The following PLPPR1 variants were observed in gnomAD, a reference collection of about 807,000 sequenced individuals.
The protein encoded by PLPPR1 is phospholipid phosphatase-related protein type 1.
In PLPPR1, 10 loss-of-function variants were observed where a neutral mutation model predicts 33.1. The ratio of observed to expected loss-of-function variants is 0.30; its 90% CI spans 0.19 to 0.51. PLPPR1 has a LOEUF of 0.51. Among genes scored for constraint, PLPPR1 ranks in the 20% least tolerant of loss-of-function variants. PLPPR1 has a pLI of 0.97. For synonymous variants in PLPPR1, 151 were observed against 151.0 expected (o/e 1.00, Z 0.00); for missense variants, 304 against 408.1 (o/e 0.74, Z 2.20).
At chr9:101,067,712 T>G (rs2118480798) in intron 1 of PLPPR1, among the ~76,000 whole-genome samples, 1 of 152,206 alleles carries the variant, frequency 6.6e-6, no homozygotes, top group South Asian at 2.1e-4. Flanking sequence ...GATTCCTTTC[T>G]TTCCTCTAGG....
intron 2 of PLPPR1, among the ~76,000 whole-genome samples, chr9:101,269,609 C>G (rs1287694436): frequency 6.6e-6 from 1 of 152,196 alleles, no homozygotes; most frequent in African/African-American, 2.4e-5. Context: ...GAAAGGGTGG[C>G]AGCAGGGGCT....
chr9:101,232,096 A>C (rs1370883059), intron 2 of PLPPR1, among the ~76,000 whole-genome samples: 1 of 152,116 alleles, frequency 6.6e-6, no homozygotes, highest in African/African-American at 2.4e-5. Context: ...GTGCAGCCAC[A>C]AGTGAATGAA....
intron 2 of PLPPR1, among the ~76,000 whole-genome samples, chr9:101,228,542 CAAG>C (rs1277134218): frequency 6.6e-6 from 1 of 151,418 alleles, no homozygotes; most frequent in African/African-American, 2.4e-5. Flanking sequence ...ATAAAACAGA[CAAG>C]AAGGAATTAA....
intron 5 of PLPPR1, among the ~76,000 whole-genome samples, chr9:101,310,592 T>TA (rs1412630662): frequency 1.3e-5 from 2 of 152,180 alleles, no homozygotes; most frequent in Non-Finnish European, 1.5e-5. Context: ...CCTTCACCCC[T>TA]AGGGTGGAAA....
intron 1 of PLPPR1, among the ~76,000 whole-genome samples, chr9:101,167,224 C>A (rs28417488): frequency 1.3e-4 from 14 of 107,722 alleles, no homozygotes; most frequent in Admixed American, 1.8e-4. Flanking sequence ...TACACACACA[C>A]ACACACACAC....
chr9:101,314,750 TAA>T (rs34696830), intron 6 of PLPPR1, among the ~76,000 whole-genome samples: 149 of 146,196 alleles, frequency 1.0e-3, no homozygotes, highest in Middle Eastern at 6.8e-3. Flanking sequence ...AGCTTCAATT[TAA>T]AAAAAAAAAA....
intron 4 of PLPPR1, among the ~76,000 whole-genome samples, chr9:101,290,181 A>G (rs986334761): frequency 2.6e-5 from 4 of 152,228 alleles, no homozygotes; most frequent in African/African-American, 9.6e-5. Context: ...ATAAGGGAGT[A>G]ATCAAAATAT....
At chr9:101,153,578 A>C (rs965236409) in intron 1 of PLPPR1, among the ~76,000 whole-genome samples, 36 of 151,832 alleles carry the variant, frequency 2.4e-4, no homozygotes, top group Non-Finnish European at 4.9e-4. Context: ...TCAATACCTA[A>C]TTTATTTATT....
At chr9:101,323,888 T>A in intron 7 of PLPPR1, 137 bp from the exon 8 acceptor site, 1 of 553,142 alleles carries the variant, frequency 1.8e-6, no homozygotes, top group East Asian at 3.1e-5. Flanking sequence ...TCAGGGGCCT[T>A]GGAAAAGCAT....
At chr9:101,177,432 A>G (rs59437139) in intron 1 of PLPPR1, among the ~76,000 whole-genome samples, 8,874 of 152,280 alleles carry the variant, frequency 0.058, 892 homozygotes, top group African/African-American at 0.2. Flanking sequence ...TATAGAAACA[A>G]AACTGATGTA....
chr9:101,291,990 T>A (rs1828518613), intron 4 of PLPPR1, among the ~76,000 whole-genome samples: 1 of 152,034 alleles, frequency 6.6e-6, no homozygotes, highest in African/African-American at 2.4e-5. Flanking sequence ...ATCAAACTAC[T>A]CTGAGCTACA....
At chr9:101,082,459 G>A (rs1049578842) in intron 1 of PLPPR1, among the ~76,000 whole-genome samples, 2 of 152,082 alleles carry the variant, frequency 1.3e-5, no homozygotes, top group Non-Finnish European at 2.9e-5. Context: ...AAAGTGGTTT[G>A]CCCCTGTGAA....
chr9:101,064,580 G>A (rs1334185369), intron 1 of PLPPR1, among the ~76,000 whole-genome samples: 2 of 152,046 alleles, frequency 1.3e-5, no homozygotes, highest in African/African-American at 4.8e-5. Flanking sequence ...TTTGCTGTAT[G>A]CCATTGGTTG....
At chr9:101,043,630 A>G (rs1272923004) in intron 1 of PLPPR1, among the ~76,000 whole-genome samples, 2 of 151,840 alleles carry the variant, frequency 1.3e-5, no homozygotes, top group Non-Finnish European at 2.9e-5. Flanking sequence ...TTTTTTGTAT[A>G]ATGACTTATT....
intron 3 of PLPPR1, 118 bp from the exon 4 acceptor site, chr9:101,285,986 T>C (rs1828386295): frequency 1.4e-6 from 1 of 734,372 alleles, no homozygotes. Context: ...ACCATCTCTC[T>C]CCAACATCTT....
At chr9:101,078,179 GAAGAA>G (rs1394816534) in intron 1 of PLPPR1, among the ~76,000 whole-genome samples, 2 of 40,914 alleles carry the variant, frequency 4.9e-5, no homozygotes, top group African/African-American at 1.0e-4. Flanking sequence ...AGAAGAAGAA[GAAGAA>G]GAGGAGGGGG....
chr9:101,227,433 G>A lies in PLPPR1; in HGVS notation c.63+41876G>A, dbSNP rs192661881. Among the ~76,000 whole-genome samples the A allele has an allele frequency of 1.9e-3, 286 of 152,208 alleles. 1 individual carries two copies. The highest frequency in any genetic ancestry group is 6.5e-3 in the African/African-American group (271 of 41,542). ...TTGAACGTTTTTTCATAGGTTGGTT[G>A]TTGGCTGCATGAATGTCTTCTTTTG... On this transcript the variant is annotated intron_variant, in intron 2 of 7. Transcript: ENST00000374874.
At chr9:101,210,935 T>G (rs1272660025) in intron 2 of PLPPR1, among the ~76,000 whole-genome samples, 1 of 151,968 alleles carries the variant, frequency 6.6e-6, no homozygotes, top group Non-Finnish European at 1.5e-5. Context: ...GCCTGGCTAA[T>G]TTTTTGTATT....
chr9:101,040,488 A>G (rs1830063797), intron 1 of PLPPR1, among the ~76,000 whole-genome samples: 1 of 152,090 alleles, frequency 6.6e-6, no homozygotes, highest in African/African-American at 2.4e-5. Context: ...ATTGGGTGTG[A>G]GCTGTGGTTG....
Sources: allele counts gnomAD v4.1 joint callset (sites outside exome capture counted in the v4.1 genomes callset), GRCh38; gene constraint gnomAD v4.1.1; transcripts MANE v1.5; gene names NCBI Gene and HGNC (gene_info 2026-07-23, HGNC 2026-07-21).